The following ZNF274 variants were observed in gnomAD, a reference collection of about 807,000 sequenced individuals.
ZNF274 encodes zinc finger protein 274, also known as neurotrophin receptor-interacting factor homolog.
Under a neutral mutation model 42.5 loss-of-function variants are expected in ZNF274, and 23 were observed. The observed-to-expected ratio is 0.54, with a 90% confidence interval of 0.39 to 0.77. The LOEUF is 0.77. Ranked by LOEUF, ZNF274 falls within the 30% of genes least tolerant of loss-of-function variation. ZNF274 has a pLI of 0.00. For synonymous variants in ZNF274, 292 were observed against 305.4 expected, an observed-to-expected ratio of 0.96 and a Z score of 0.46; for missense variants, 679 against 806.5, an observed-to-expected ratio of 0.84 and a Z score of 1.91.
chr19:58,205,241 C>G (rs1303862488), intron 4 of ZNF274, among the ~76,000 whole-genome samples: 1 of 152,190 alleles, frequency 6.6e-6, no homozygotes, highest in Non-Finnish European at 1.5e-5. Flanking sequence ...ATATTCACAA[C>G]AGCAAGGGTG....
In ZNF274 at chr19:58,187,022, T is replaced by A; in HGVS notation, c.236T>A (p.Ile79Asn). 6.2e-7 allele frequency: 1 copy of A among 1,612,786 alleles called. No homozygotes were observed. Among genetic ancestry groups the A allele is most frequent in the Non-Finnish European group, 8.5e-7 (1 of 1,179,416 alleles). The stretch of plus-strand genomic sequence containing the variant: ...GATTTCTGGCCAGTGGAGAGAGGAA[T>A]TCCTCAAGACACCATTCCAGGTGAG... ...AEDFWPVERG[I>N]PQDTIPEYPE... The change falls in exon 4 of 8, where the codon ATT becomes AAT. Residue 79 changes from isoleucine (I) to asparagine (N), a missense_variant. Transcript: ENST00000617501.
At chr19:58,187,905 T>C (rs1274735519) in intron 4 of ZNF274, among the ~76,000 whole-genome samples, 1 of 152,034 alleles carries the variant, frequency 6.6e-6, no homozygotes, top group Non-Finnish European at 1.5e-5. Context: ...TTTGTATTTT[T>C]AGTAACGGAC....
intron 4 of ZNF274, among the ~76,000 whole-genome samples, chr19:58,194,790 C>T (rs1353547661): frequency 6.6e-6 from 1 of 151,894 alleles, no homozygotes; most frequent in African/African-American, 2.4e-5. Context: ...GGTGGATCAC[C>T]TGAGAAGTTC....
At chr19:58,210,173 C>A in intron 6 of ZNF274, 100 bp downstream of exon 6, 1 of 876,086 alleles carries the variant, frequency 1.1e-6, no homozygotes, top group Non-Finnish European at 1.8e-6. Flanking sequence ...TAAGACCTCC[C>A]ACAGGCTGGG....
intron 4 of ZNF274, among the ~76,000 whole-genome samples, chr19:58,188,696 A>ATATATATATATATATATATATATATATG (rs2075740038): frequency 1.5e-4 from 7 of 46,346 alleles, no homozygotes; most frequent in Non-Finnish European, 3.2e-4. Flanking sequence ...ATGTATATGT[A>ATATATATATATATATATATATATATATG]TATATATATA....
intron 4 of ZNF274, among the ~76,000 whole-genome samples, chr19:58,191,242 A>G (rs545062638): frequency 6.6e-6 from 1 of 152,206 alleles, no homozygotes; most frequent in South Asian, 2.1e-4. Context: ...GGTTCAAGTG[A>G]TTCTCCTGCC....
At chr19:58,205,246 A>G (rs182797359) in intron 4 of ZNF274, among the ~76,000 whole-genome samples, 1 of 152,348 alleles carries the variant, frequency 6.6e-6, no homozygotes, top group African/African-American at 2.4e-5. Flanking sequence ...CACAACAGCA[A>G]GGGTGAAATT....
In ZNF274 at chr19:58,188,694, G is replaced by GTATATGTATATGTATATATATA. The variant is rs1221412961; in HGVS notation, c.256+1657_256+1658insGTATATGTATATATATATATAT. Among the ~76,000 whole-genome samples, 116 of 74,636 alleles carry GTATATGTATATGTATATATATA rather than the reference G, an allele frequency of 1.6e-3. 1 individual carries two copies. The highest frequency in any genetic ancestry group is 6.0e-3 in the African/African-American group (111 of 18,496). 49.0% of individuals were successfully genotyped at this position (74,636 alleles called of 152,430 possible). A position where few individuals can be genotyped will look rare whatever the true frequency, so the allele number is the denominator to read the frequency against. ...TGTGTGTGTATATATATATGTATATGTATATATATATATATATATATATAT... is the reference window on the plus strand; with the variant it reads ...TGTGTGTGTATATATATATGTATATGTATATGTATATGTATATATATATATATATATATATATATATATATAT... On this transcript the variant is annotated intron_variant, in intron 4 of 7. Transcript: ENST00000617501.
intron 4 of ZNF274, among the ~76,000 whole-genome samples, chr19:58,187,651 C>T (rs2146193222): frequency 6.6e-6 from 1 of 152,322 alleles, no homozygotes; most frequent in African/African-American, 2.4e-5. Context: ...CTCCTGAGCT[C>T]AAGTGATCCA....
chr19:58,212,274 T>G lies in ZNF274; in HGVS notation c.1093T>G (p.Ser365Ala). 1 of 1,613,994 alleles carries G rather than the reference T, an allele frequency of 6.2e-7. No homozygotes were observed. Among genetic ancestry groups the G allele is most frequent in the Non-Finnish European group, 8.5e-7 (1 of 1,179,890 alleles). Residue 365 changes from serine to alanine, a missense_variant, in exon 8 of 8, where the codon TCT becomes GCT. Physicochemically the swap from Ser to Ala is moderately conservative, Grantham distance 99. Coordinates refer to ENST00000617501, the MANE Select transcript of ZNF274 (RefSeq NM_133502.3). The surrounding 1 kb of genome is among the most constrained non-coding windows in gnomAD (Gnocchi z 4.6). ...QESSRDCALS[S>A]TLEDTLQGGV... ...ATCCTCAAGGGATTGTGCCTTGTCC[T>G]CTACATTAGAAGATACCTTGCAGGG...
intron 1 of ZNF274, 98 bp from the exon 2 acceptor site, chr19:58,183,823 A>G (rs1047151369): frequency 1.5e-5 from 12 of 784,452 alleles, no homozygotes; most frequent in East Asian, 1.4e-4. Context: ...TGGACTTGTC[A>G]TTTCCCGCTG....
chr19:58,187,935 T>C (rs990863080), intron 4 of ZNF274, among the ~76,000 whole-genome samples: 8 of 151,556 alleles, frequency 5.3e-5, no homozygotes, highest in African/African-American at 1.9e-4. Flanking sequence ...ATGTTGGCCA[T>C]GCTGTTCTTG....
At chr19:58,190,650 G>A (rs80090318) in intron 4 of ZNF274, among the ~76,000 whole-genome samples, 11,650 of 152,266 alleles carry the variant, frequency 0.077, 507 homozygotes, top group South Asian at 0.13. Context: ...GTTTTGTAAC[G>A]TGCTGCTGGA....
At chr19:58,197,040 G>C (rs1204800597) in intron 4 of ZNF274, among the ~76,000 whole-genome samples, 2 of 152,168 alleles carry the variant, frequency 1.3e-5, no homozygotes, top group East Asian at 3.9e-4. Flanking sequence ...TTACATCTAA[G>C]AGCTTCTGAA....
intron 4 of ZNF274, among the ~76,000 whole-genome samples, chr19:58,205,688 C>T (rs2075971950): frequency 6.6e-6 from 1 of 152,106 alleles, no homozygotes; most frequent in Admixed American, 6.6e-5. Context: ...TTCTTGTTTC[C>T]TCTTGTTTTG....
chr19:58,212,162 G>T lies in ZNF274; in HGVS notation c.981G>T (p.Gly327=), dbSNP rs779923203. 6.3e-7 allele frequency: 1 copy of T among 1,597,990 alleles called. No homozygotes were observed. The highest frequency in any genetic ancestry group is 1.1e-5 in the South Asian group (1 of 90,200). ...LETFGHLVSV[G]WETTLENKEL... The stretch of plus-strand genomic sequence containing the variant: ...ACATCTTTTGTTTATTTTTTTCAGG[G>T]TGGGAGACTACACTGGAAAATAAAG... Residue 327 remains glycine, a splice_region_variant and synonymous_variant, in exon 8 of 8, where the codon GGG becomes GGT. Coordinates refer to ENST00000617501, the MANE Select transcript of ZNF274 (RefSeq NM_133502.3). The surrounding 1 kb of genome is among the most constrained non-coding windows in gnomAD (Gnocchi z 4.6).
intron 3 of ZNF274, chr19:58,186,041 A>G: frequency 2.9e-6 from 1 of 346,564 alleles, no homozygotes; most frequent in Non-Finnish European, 5.1e-6. Flanking sequence ...TTTCAGCTGC[A>G]GTAGTGGATG....
intron 4 of ZNF274, among the ~76,000 whole-genome samples, chr19:58,201,650 G>A (rs1485600728): frequency 6.6e-6 from 1 of 151,904 alleles, no homozygotes; most frequent in Non-Finnish European, 1.5e-5. Flanking sequence ...CCAGGTAGCT[G>A]GGACTACAGG....
rs2075667855 is a variant in ZNF274, at chr19:58,184,202, A to G, written c.33+204A>G. 3 of 587,740 alleles carry G rather than the reference A, an allele frequency of 5.1e-6. No individual in the cohort carries two copies. The East Asian group carries it at 8.6e-5, about 17-fold the overall frequency. The allele number at this position is 587,740 out of a possible 1,614,324, so 36.4% of individuals were successfully genotyped here. A position where few individuals can be genotyped will look rare whatever the true frequency, so the allele number is the denominator to read the frequency against. ...TTCCAAGGGTGTAGTTAGAATAGAG[A>G]CCAGATTGTAGGGGCTTCTGAAGGC... On this transcript the variant is annotated intron_variant, in intron 2 of 7. Coordinates refer to ENST00000617501, the MANE Select transcript of ZNF274 (RefSeq NM_133502.3).
Sources: gnomAD v4.1 joint callset for allele counts (sites outside exome capture counted in the v4.1 genomes callset) on GRCh38, gnomAD v4.1.1 for gene constraint, Gnocchi (gnomAD v3.1) non-coding constraint, MANE v1.5 for transcripts, NCBI Gene and HGNC (gene_info 2026-07-23, HGNC 2026-07-21) for gene names.